Variants in HS1BP3 observed in about 807,000 individuals in gnomAD.
HS1BP3 encodes the protein HCLS1 binding protein 3, also known as HCLS1-binding protein 3.
A neutral mutation model predicts 33.5 loss-of-function variants in HS1BP3; 32 were observed. The observed-to-expected ratio is 0.95, with a 90% confidence interval of 0.72 to 1.28. The LOEUF (loss-of-function observed/expected upper bound fraction) is 1.28. Ranked by LOEUF, HS1BP3 falls within the 50% of genes most tolerant of loss-of-function variation. The probability of loss-of-function intolerance (pLI) is 0.00; values close to 1 mark genes in which losing one functional copy is unlikely to be tolerated. For missense variants in HS1BP3, 486 were observed against 502.3 expected (o/e 0.97, Z 0.31); for synonymous variants, 187 against 209.2 (o/e 0.89, Z 0.92).
intron 5 of HS1BP3, among the ~76,000 whole-genome samples, chr2:20,572,868 C>T (rs982656111): frequency 6.6e-6 from 1 of 152,166 alleles, no homozygotes; most frequent in African/African-American, 2.4e-5. Context: ...GCACTTCTAA[C>T]TGCTCCCTGC....
At position 20,611,839 on chromosome 2, in the gene HS1BP3, G is replaced by A. The variant is rs1366753990; in HGVS notation, c.178+12057C>T. Among the ~76,000 whole-genome samples the A allele has an allele frequency of 6.6e-6, 1 of 152,210 alleles. No individual in the cohort carries two copies. Among genetic ancestry groups the A allele is most frequent in the African/African-American group, 2.4e-5 (1 of 41,456 alleles). On this transcript the variant is annotated intron_variant, in intron 2 of 3. Coordinates refer to the HS1BP3 transcript ENST00000415264. The surrounding 1 kb of genome is among the most constrained non-coding windows in gnomAD (Gnocchi z 4.9). Reference sequence around the variant, plus strand: ...GCTCAGCAGCGTGGGGTTCAGAGAAGCTGAGAGATGGCAGAGGGTGGCACA... The same window carrying A: ...GCTCAGCAGCGTGGGGTTCAGAGAAACTGAGAGATGGCAGAGGGTGGCACA...
intron 5 of HS1BP3, among the ~76,000 whole-genome samples, chr2:20,574,860 G>A (rs1225303909): frequency 1.3e-5 from 2 of 152,184 alleles, no homozygotes; most frequent in Admixed American, 6.5e-5. Flanking sequence ...GGGACCCTGG[G>A]TTCAAGTACC....
intron 2 of HS1BP3, among the ~76,000 whole-genome samples, chr2:20,602,430 A>T (rs1055770910): frequency 2.6e-5 from 4 of 152,108 alleles, no homozygotes; most frequent in African/African-American, 9.7e-5. Flanking sequence ...TTTGCTCAGA[A>T]TTGTTTATTT....
chr2:20,622,224 C>T, intron 6 of HS1BP3: 1 of 1,298,706 alleles, frequency 7.7e-7, no homozygotes, highest in Non-Finnish European at 1.0e-6. Context: ...GGAAGTCCAA[C>T]TACTCCCTGG....
At chr2:20,645,804 CTG>C (rs761969980) in intron 1 of HS1BP3, among the ~76,000 whole-genome samples, 8 of 152,246 alleles carry the variant, frequency 5.3e-5, no homozygotes, top group Non-Finnish European at 8.8e-5. Flanking sequence ...GACACAAACT[CTG>C]TGCAGAATGG....
chr2:20,565,688 T>C (rs1314819589), intron 5 of HS1BP3, among the ~76,000 whole-genome samples: 1 of 152,160 alleles, frequency 6.6e-6, no homozygotes, highest in African/African-American at 2.4e-5. Flanking sequence ...CACTGGAAGA[T>C]GAATGTGGAA....
intron 5 of HS1BP3, among the ~76,000 whole-genome samples, chr2:20,564,399 C>T (rs1693075013): frequency 6.6e-6 from 1 of 152,238 alleles, no homozygotes; most frequent in African/African-American, 2.4e-5. Context: ...GGTGACCAGC[C>T]AGTTCCTTCT....
intron 3 of HS1BP3, among the ~76,000 whole-genome samples, chr2:20,597,806 A>G (rs1005103710): frequency 6.6e-6 from 1 of 152,240 alleles, no homozygotes; most frequent in Non-Finnish European, 1.5e-5. Flanking sequence ...GGATTCAAGG[A>G]AAGAAGACCT....
At chr2:20,603,470 A>G (rs112859749) in intron 2 of HS1BP3, among the ~76,000 whole-genome samples, 221 of 152,380 alleles carry the variant, frequency 1.5e-3, no homozygotes, top group African/African-American at 5.1e-3. Context: ...GCTAGGCGAA[A>G]GAAGTCAGAA....
chr2:20,627,314 T>A (rs1353558207), intron 4 of HS1BP3, among the ~76,000 whole-genome samples: 2 of 152,196 alleles, frequency 1.3e-5, no homozygotes, highest in Non-Finnish European at 2.9e-5. Flanking sequence ...AGGCCCTCCC[T>A]GGCTCCTGGG....
rs561753923 is a variant in HS1BP3 at position 20,601,662 on chromosome 2, C to T, written c.179-3397G>A. Among the ~76,000 whole-genome samples the T allele has an allele frequency of 2.6e-5, 4 of 151,948 alleles. No homozygotes were observed. The East Asian group carries it at 7.7e-4, about 29-fold the overall frequency. On this transcript the variant is annotated intron_variant, in intron 2 of 3. Coordinates refer to the HS1BP3 transcript ENST00000415264. ...TGCCGCCATGTAAGAGGTCCCTTTG[C>T]TCTTCCTTTGTCTTCCACCATGATT... is the stretch of plus-strand genomic sequence containing the variant.
At chr2:20,572,653 C>T (rs1226361126) in intron 5 of HS1BP3, among the ~76,000 whole-genome samples, 1 of 152,156 alleles carries the variant, frequency 6.6e-6, no homozygotes, top group Non-Finnish European at 1.5e-5. Context: ...AAGAAAAGTA[C>T]CTCGAACATG....
At chr2:20,584,049 A>G (rs1693623411) in intron 5 of HS1BP3, among the ~76,000 whole-genome samples, 1 of 152,192 alleles carries the variant, frequency 6.6e-6, no homozygotes, top group Admixed American at 6.5e-5. Context: ...CAGAACCATT[A>G]GATGTGGGAT....
intron 5 of HS1BP3, among the ~76,000 whole-genome samples, chr2:20,567,939 G>T (rs1401958011): frequency 2.0e-5 from 3 of 152,158 alleles, no homozygotes; most frequent in Non-Finnish European, 4.4e-5. Context: ...GTCCCCAGGG[G>T]CTCTCTGGAG....
chr2:20,555,608 G>A (rs1692823115), downstream of HS1BP3, among the ~76,000 whole-genome samples: 1 of 152,058 alleles, frequency 6.6e-6, no homozygotes, highest in Non-Finnish European at 1.5e-5. Context: ...GAGCCTTTGG[G>A]TTTACATATG....
chr2:20,577,211 A>G (rs1693422563), intron 5 of HS1BP3, among the ~76,000 whole-genome samples: 1 of 152,062 alleles, frequency 6.6e-6, no homozygotes, highest in South Asian at 2.1e-4. Flanking sequence ...TTCATGTACA[A>G]TTGAGTTAAT....
At chr2:20,642,238 A>C (rs2149302494) in intron 2 of HS1BP3, among the ~76,000 whole-genome samples, 1 of 152,318 alleles carries the variant, frequency 6.6e-6, no homozygotes, top group Non-Finnish European at 1.5e-5. Context: ...GGCTGCGGGC[A>C]TCTGACGCCC....
rs564727702 is a variant in HS1BP3 at position 20,566,151 on chromosome 2, G to A, written c.303-5636C>T. On this transcript the variant is annotated intron_variant, in intron 5 of 5. Transcript: ENST00000446825. Reference sequence around the variant, plus strand: ...ACACTCACCAGCTTTGCCCCATCCCGGCACTGACAGGGAGTTCACTCCTTG... The same window carrying A: ...ACACTCACCAGCTTTGCCCCATCCCAGCACTGACAGGGAGTTCACTCCTTG... Among the ~76,000 whole-genome samples the A allele has an allele frequency of 1.4e-4, 21 of 152,336 alleles. No homozygotes were observed. In the East Asian group the frequency reaches 2.7e-3, roughly 20 times the overall value.
downstream of HS1BP3, among the ~76,000 whole-genome samples, chr2:20,587,928 G>A (rs567847101): frequency 1.3e-5 from 2 of 152,032 alleles, no homozygotes; most frequent in East Asian, 3.9e-4. Context: ...CAACGTCCGG[G>A]CCTCTTCCAC....
Sources: allele counts gnomAD v4.1 joint callset (sites outside exome capture counted in the v4.1 genomes callset), GRCh38; gene constraint gnomAD v4.1.1; non-coding constraint Gnocchi (gnomAD v3.1); transcripts MANE v1.5; gene names NCBI Gene and HGNC (gene_info 2026-07-23, HGNC 2026-07-21).